The following CACNB4 variants were observed in gnomAD, a reference collection of about 807,000 sequenced individuals.
The protein encoded by CACNB4 is voltage-dependent L-type calcium channel subunit beta-4.
CACNB4 carries 32 observed loss-of-function variants against 71.2 expected under a neutral mutation model. That is an observed-to-expected ratio of 0.45 (90% CI 0.34 to 0.60). CACNB4 has a LOEUF of 0.60. Among genes scored for constraint, CACNB4 ranks in the 20% least tolerant of loss-of-function variants. The pLI is 0.01. For missense variants in CACNB4, 464 were observed against 647.9 expected (o/e 0.72, Z 3.08); for synonymous variants, 231 against 236.9 (o/e 0.97, Z 0.23).
intron 2 of CACNB4, among the ~76,000 whole-genome samples, chr2:152,020,221 T>G (rs1683577636): frequency 6.6e-6 from 1 of 152,206 alleles, no homozygotes; most frequent in African/African-American, 2.4e-5. Context: ...CCATGACAGT[T>G]TAATTGAAAG....
At chr2:151,910,568 C>T (rs1578752375) in intron 2 of CACNB4, among the ~76,000 whole-genome samples, 2 of 152,254 alleles carry the variant, frequency 1.3e-5, no homozygotes, top group East Asian at 3.9e-4. Context: ...AGATCCTTTC[C>T]CCATTGCTTG....
intron 2 of CACNB4, among the ~76,000 whole-genome samples, chr2:152,035,547 G>C (rs4664520): frequency 6.6e-6 from 1 of 150,690 alleles, no homozygotes; most frequent in East Asian, 2.0e-4. Context: ...GCAACAGAGC[G>C]AAACTCCGTC....
chr2:151,891,706 T>G (rs2099850753), intron 2 of CACNB4, among the ~76,000 whole-genome samples: 1 of 152,186 alleles, frequency 6.6e-6, no homozygotes, highest in Non-Finnish European at 1.5e-5. Context: ...CATGATCATT[T>G]TTGCATCCAA....
chr2:151,988,652 T>C (rs1433746455), intron 2 of CACNB4, among the ~76,000 whole-genome samples: 1 of 152,070 alleles, frequency 6.6e-6, no homozygotes, highest in Non-Finnish European at 1.5e-5. Flanking sequence ...AGGTCCCAGT[T>C]CCTGGTTTGC....
intron 2 of CACNB4, among the ~76,000 whole-genome samples, chr2:152,069,808 T>A (rs768306496): frequency 6.6e-6 from 1 of 151,030 alleles, no homozygotes; most frequent in Non-Finnish European, 1.5e-5. Flanking sequence ...TTATTCTAGA[T>A]CTTTTGATAG....
chr2:151,853,228 G>C (rs540967534), intron 12 of CACNB4: 1 of 461,928 alleles, frequency 2.2e-6, no homozygotes, highest in Non-Finnish European at 3.8e-6. Context: ...AACAGACCCC[G>C]GACACTAAGT....
rs10574154 is a variant in CACNB4 at position 151,920,318 on chromosome 2, C to CTTT, written c.148-36951_148-36949dup. Among the ~76,000 whole-genome samples the CTTT allele has an allele frequency of 9.4e-3, 618 of 66,096 alleles. 66 individuals carry two copies. The highest frequency in any genetic ancestry group is 0.033 in the Middle Eastern group (3 of 90). The allele number at this position is 66,096 out of a possible 152,430, so 43.4% of individuals were successfully genotyped here. On this transcript the variant is annotated intron_variant, in intron 2 of 13. Coordinates refer to ENST00000539935, the MANE Select transcript of CACNB4 (RefSeq NM_000726.5). ...AGAGTCTTTTCTTCTTCTTCTTCTT[C>CTTT]TTTTTTTTTTTTTTTTTTTTTGAGA...
chr2:152,040,094 G>A (rs1684798592), intron 2 of CACNB4, among the ~76,000 whole-genome samples: 1 of 152,098 alleles, frequency 6.6e-6, no homozygotes, highest in African/African-American at 2.4e-5. Flanking sequence ...CGGCTAAATG[G>A]GAATGTCTCA....
chr2:151,955,510 C>A (rs2099868032), intron 2 of CACNB4, among the ~76,000 whole-genome samples: 1 of 152,120 alleles, frequency 6.6e-6, no homozygotes, highest in Non-Finnish European at 1.5e-5. Flanking sequence ...CTGCAGGTGG[C>A]TAATGCCCAA....
At chr2:151,849,388 G>T (rs976801875) in intron 12 of CACNB4, among the ~76,000 whole-genome samples, 2 of 152,118 alleles carry the variant, frequency 1.3e-5, no homozygotes, top group Non-Finnish European at 2.9e-5. Flanking sequence ...CTACCAAGGA[G>T]CTAGGACTAT....
At chr2:151,913,903 A>T (rs973294581) in intron 2 of CACNB4, among the ~76,000 whole-genome samples, 3 of 152,056 alleles carry the variant, frequency 2.0e-5, no homozygotes, top group African/African-American at 7.2e-5. Context: ...GGCTGCCCTT[A>T]ACAGTTTTTC....
chr2:151,866,303 G>C (rs2099843089), intron 9 of CACNB4: 1 of 152,152 alleles, frequency 6.6e-6, no homozygotes, highest in Non-Finnish European at 1.5e-5. Context: ...AAAGAAGAAA[G>C]CCTCGTAGCC....
chr2:151,961,972 T>A (rs1209605459), intron 2 of CACNB4, among the ~76,000 whole-genome samples: 1 of 152,182 alleles, frequency 6.6e-6, no homozygotes, highest in African/African-American at 2.4e-5. Flanking sequence ...AATACAGTAA[T>A]ACAGATGGAA....
intron 2 of CACNB4, among the ~76,000 whole-genome samples, chr2:152,011,184 G>C (rs1187955817): frequency 6.6e-6 from 1 of 152,210 alleles, no homozygotes; most frequent in Non-Finnish European, 1.5e-5. Context: ...CTATCATTGA[G>C]ATGAAGTCAT....
chr2:151,939,967 A>G (rs939554076), intron 2 of CACNB4, among the ~76,000 whole-genome samples: 37 of 152,348 alleles, frequency 2.4e-4, no homozygotes, highest in African/African-American at 8.7e-4. Flanking sequence ...ATAAAATTTT[A>G]TATCCAAAAA....
At chr2:151,881,647 A>G (rs1330692961) in intron 3 of CACNB4, among the ~76,000 whole-genome samples, 2 of 152,234 alleles carry the variant, frequency 1.3e-5, no homozygotes, top group African/African-American at 4.8e-5. Context: ...AAATTTTGTA[A>G]CAAAAATTAG....
At chr2:151,911,616 G>A (rs2099856186) in intron 2 of CACNB4, among the ~76,000 whole-genome samples, 1 of 152,108 alleles carries the variant, frequency 6.6e-6, no homozygotes, top group African/African-American at 2.4e-5. Context: ...TGTTCATCAG[G>A]GATATTGGCC....
At chr2:151,941,551 G>A (rs897985844) in intron 2 of CACNB4, among the ~76,000 whole-genome samples, 2 of 151,674 alleles carry the variant, frequency 1.3e-5, no homozygotes, top group Non-Finnish European at 1.5e-5. Context: ...CAAAGTGCTG[G>A]GATTACAGGC....
intron 2 of CACNB4, among the ~76,000 whole-genome samples, chr2:151,942,466 T>C (rs1578895415): frequency 2.0e-5 from 3 of 149,140 alleles, no homozygotes; most frequent in South Asian, 4.2e-4. Context: ...CATGTGTGTT[T>C]GAACAATATG....
Sources: allele counts gnomAD v4.1 joint callset (sites outside exome capture counted in the v4.1 genomes callset), GRCh38; gene constraint gnomAD v4.1.1; transcripts MANE v1.5; gene names NCBI Gene and HGNC (gene_info 2026-07-23, HGNC 2026-07-21).